Variants in TRPC7 observed in about 807,000 individuals in gnomAD.
TRPC7 encodes the protein short transient receptor potential channel 7.
In TRPC7, 42 loss-of-function variants were observed where a neutral mutation model predicts 90.1. The ratio of observed to expected loss-of-function variants is 0.47; its 90% CI spans 0.36 to 0.60. The LOEUF (loss-of-function observed/expected upper bound fraction) is 0.60. Ranked by LOEUF, TRPC7 falls within the 20% of genes least tolerant of loss-of-function variation. The pLI is 0.00. For missense variants in TRPC7, 955 were observed against 1,112.3 expected (o/e 0.86, Z 2.01); for synonymous variants, 451 against 436.3 (o/e 1.03, Z -0.42).
intron 7 of TRPC7, among the ~76,000 whole-genome samples, chr5:136,246,042 C>CTTTG (rs1227107221): frequency 6.6e-6 from 1 of 152,158 alleles, no homozygotes; most frequent in Non-Finnish European, 1.5e-5. Flanking sequence ...AGGGGAGGAG[C>CTTTG]TTTGGATCTT....
At chr5:136,349,868 A>G (rs184386467) in intron 2 of TRPC7, among the ~76,000 whole-genome samples, 1 of 152,322 alleles carries the variant, frequency 6.6e-6, no homozygotes, top group Non-Finnish European at 1.5e-5. Flanking sequence ...GTCCCATGAG[A>G]TTATAATGGA....
At chr5:136,228,910 C>A (rs1755727637) in intron 8 of TRPC7, among the ~76,000 whole-genome samples, 1 of 152,204 alleles carries the variant, frequency 6.6e-6, no homozygotes, top group Non-Finnish European at 1.5e-5. Context: ...CTTGACATCA[C>A]ATGCCGTGGG....
At position 136,247,863 on chromosome 5, in the gene TRPC7, C is replaced by T; in HGVS notation, c.1580-128G>A. 1 of 1,224,180 alleles carries T rather than the reference C, an allele frequency of 8.2e-7. No individual in the cohort carries two copies. Among genetic ancestry groups the T allele is most frequent in the Non-Finnish European group, 1.1e-6 (1 of 892,452 alleles). 75.8% of individuals were successfully genotyped at this position (1,224,180 alleles called of 1,614,324 possible). On this transcript the variant is annotated intron_variant, in intron 6 of 11. Transcript: ENST00000513104. The surrounding 1 kb of genome is among the most constrained non-coding windows in gnomAD (Gnocchi z 4.2). Reference sequence around the variant, plus strand: ...TCTTGTCCTTGTCCTTAAATTAATCCCAATATCCAGAAGTTGCCACCCTCC... The same window carrying T: ...TCTTGTCCTTGTCCTTAAATTAATCTCAATATCCAGAAGTTGCCACCCTCC...
chr5:136,250,918 C>T (rs1254777801), intron 6 of TRPC7, among the ~76,000 whole-genome samples: 1 of 152,140 alleles, frequency 6.6e-6, no homozygotes, highest in Non-Finnish European at 1.5e-5. Flanking sequence ...CTATACAAGG[C>T]AATCCTGTAT....
At chr5:136,290,496 G>A (rs1015017870) in intron 3 of TRPC7, among the ~76,000 whole-genome samples, 13 of 152,266 alleles carry the variant, frequency 8.5e-5, no homozygotes, top group South Asian at 4.1e-4. Context: ...TGACAAATGC[G>A]CAAGCCTCAG....
chr5:136,336,267 C>T (rs1453416306), intron 2 of TRPC7, among the ~76,000 whole-genome samples: 1 of 152,084 alleles, frequency 6.6e-6, no homozygotes, highest in Non-Finnish European at 1.5e-5. Flanking sequence ...ACACTCCGGT[C>T]CCCCACTTGC....
chr5:136,272,007 A>G (rs1757227334), intron 4 of TRPC7, among the ~76,000 whole-genome samples: 1 of 152,252 alleles, frequency 6.6e-6, no homozygotes, highest in South Asian at 2.1e-4. Flanking sequence ...AACAACTATT[A>G]GGAAGTAAAT....
At chr5:136,236,179 G>C (rs533935257) in intron 7 of TRPC7, among the ~76,000 whole-genome samples, 3 of 152,208 alleles carry the variant, frequency 2.0e-5, no homozygotes, top group Admixed American at 6.5e-5. Context: ...ATGTGTTTCT[G>C]TGCTTTTGGA....
intron 3 of TRPC7, among the ~76,000 whole-genome samples, chr5:136,307,893 A>AT (rs1460952671): frequency 6.6e-6 from 1 of 152,226 alleles, no homozygotes; most frequent in African/African-American, 2.4e-5. Flanking sequence ...TTCTAGGTAC[A>AT]TTGCATGTGT....
rs532959098 is a variant in TRPC7, at chr5:136,281,000, T to C, written c.964-6163A>G. 3.9e-5 allele frequency among the ~76,000 whole-genome samples: 6 copies of C among 152,282 alleles called. No homozygotes were observed. The East Asian group carries it at 9.6e-4, about 24-fold the overall frequency. ...GACTGGAACCCAGGCCAGTTTGACA[T>C]CAAAGATAGCATTTTGAACTATATT... On this transcript the variant is annotated intron_variant, in intron 3 of 11. Transcript: ENST00000513104.
Position 136,247,407 on chromosome 5 carries a change from G to A in TRPC7, c.1844+64C>T. ...AGTCTCTGCAAGAAGCCACCTTCAG[G>A]AGACTCCCAAGGATTCCCAGGAAGC... On this transcript the variant is annotated intron_variant, in intron 7 of 11. Coordinates refer to ENST00000513104, the MANE Select transcript of TRPC7 (RefSeq NM_020389.3). This position sits in a 1 kb window ranked among gnomAD's most constrained non-coding sequence, Gnocchi z 4.2. 1 of 1,523,316 alleles carries A rather than the reference G, an allele frequency of 6.6e-7. No homozygotes were observed. The highest frequency in any genetic ancestry group is 8.8e-7 in the Non-Finnish European group (1 of 1,131,576). The allele number at this position is 1,523,316 out of a possible 1,614,324, so 94.4% of individuals were successfully genotyped here. A position where few individuals can be genotyped will look rare whatever the true frequency, so the allele number is the denominator to read the frequency against.
intron 3 of TRPC7, among the ~76,000 whole-genome samples, chr5:136,289,667 C>G (rs1757863717): frequency 6.6e-6 from 1 of 152,236 alleles, no homozygotes; most frequent in African/African-American, 2.4e-5. Context: ...GGGTGGAGCC[C>G]ACCATAGCTC....
chr5:136,243,393 TC>T (rs1286403065), intron 7 of TRPC7, among the ~76,000 whole-genome samples: 1 of 152,042 alleles, frequency 6.6e-6, no homozygotes, highest in Non-Finnish European at 1.5e-5. Context: ...AAATTTCCCT[TC>T]TGTAGAATTG....
At chr5:136,323,971 G>C (rs887648436) in intron 2 of TRPC7, among the ~76,000 whole-genome samples, 1 of 151,874 alleles carries the variant, frequency 6.6e-6, no homozygotes, top group Admixed American at 6.6e-5. Context: ...TCTTATTTAG[G>C]TGTTCTTTGA....
chr5:136,315,918 AG>A (rs1458774927), intron 2 of TRPC7, 139 bp from the exon 3 acceptor site: 24 of 830,438 alleles, frequency 2.9e-5, no homozygotes, highest in Admixed American at 1.1e-4. Flanking sequence ...GGAACGCAGC[AG>A]GATGTGCTGG....
At chr5:136,293,712 T>A (rs1758050488) in intron 3 of TRPC7, among the ~76,000 whole-genome samples, 2 of 152,070 alleles carry the variant, frequency 1.3e-5, no homozygotes, top group South Asian at 2.1e-4. Context: ...ATGGCCATAC[T>A]GCCCAAGGTA....
At chr5:136,266,119 G>C (rs1757019711) in intron 5 of TRPC7, 101 bp downstream of exon 5, 1 of 1,061,580 alleles carries the variant, frequency 9.4e-7, no homozygotes, top group Non-Finnish European at 1.4e-6. Flanking sequence ...TTGTCTATCA[G>C]GAGTACACTG....
At chr5:136,287,185 T>C (rs1045993095) in intron 3 of TRPC7, among the ~76,000 whole-genome samples, 1 of 152,144 alleles carries the variant, frequency 6.6e-6, no homozygotes. Flanking sequence ...TGAATATTCA[T>C]CATAGAAGAA....
At chr5:136,234,372 C>T (rs190513604) in intron 7 of TRPC7, among the ~76,000 whole-genome samples, 11 of 151,986 alleles carry the variant, frequency 7.2e-5, no homozygotes, top group African/African-American at 9.6e-5. Flanking sequence ...GCAAGTGGCA[C>T]GATCTTGGCT....
Sources: gnomAD v4.1 joint callset for allele counts (sites outside exome capture counted in the v4.1 genomes callset) on GRCh38, gnomAD v4.1.1 for gene constraint, Gnocchi (gnomAD v3.1) non-coding constraint, MANE v1.5 for transcripts, NCBI Gene and HGNC (gene_info 2026-07-23, HGNC 2026-07-21) for gene names.